MRPL42: variants seen among roughly 807,000 people sequenced by gnomAD.
MRPL42 encodes large ribosomal subunit protein mL42.
A neutral mutation model predicts 17.9 loss-of-function variants in MRPL42; 17 were observed. The ratio of observed to expected loss-of-function variants is 0.95; its 90% CI spans 0.65 to 1.42. MRPL42 has a LOEUF of 1.42. Ranked by LOEUF, MRPL42 falls within the 40% of genes most tolerant of loss-of-function variation. The pLI, the probability that MRPL42 is intolerant of heterozygous loss-of-function variation, is 0.00. For synonymous variants in MRPL42, 59 were observed against 54.4 expected (o/e 1.08, Z -0.37); for missense variants, 177 against 175.2 (o/e 1.01, Z -0.06).
Position 93,479,385 on chromosome 12 carries a change from T to A in MRPL42, c.135-3T>A. 2 of 1,598,092 alleles carry A rather than the reference T, an allele frequency of 1.3e-6. No individual in the cohort carries two copies. Among genetic ancestry groups the A allele is most frequent in the Non-Finnish European group, 1.7e-6 (2 of 1,172,480 alleles). On this transcript the variant is annotated splice_region_variant and splice_polypyrimidine_tract_variant and intron_variant, in intron 3 of 5. Coordinates refer to ENST00000549982, the MANE Select transcript of MRPL42 (RefSeq NM_014050.4). The stretch of plus-strand genomic sequence containing the variant: ...TTTATTTCTAAAACATTCTTTTTTT[T>A]AGCAACGTAGAGCTTGCTCTGACTT...
At chr12:93,480,515 G>T (rs1360465126) in intron 4 of MRPL42, among the ~76,000 whole-genome samples, 5 of 151,056 alleles carry the variant, frequency 3.3e-5, no homozygotes, top group Admixed American at 2.6e-4. Flanking sequence ...TAGGGTCAGG[G>T]TGCCGGTTGA....
chr12:93,487,213 T>G (rs1287344935), intron 4 of MRPL42, among the ~76,000 whole-genome samples: 1 of 152,188 alleles, frequency 6.6e-6, no homozygotes. Flanking sequence ...TTCTCCTGCC[T>G]TGGTTTCCCA....
At chr12:93,471,133 T>C (rs1227983650) in intron 2 of MRPL42, among the ~76,000 whole-genome samples, 1 of 152,214 alleles carries the variant, frequency 6.6e-6, no homozygotes, top group African/African-American at 2.4e-5. Context: ...CTTTGTTGAA[T>C]AGAATGCTCA....
At position 93,500,290 on chromosome 12, in the gene MRPL42, T is replaced by C. The variant is rs541914677; in HGVS notation, c.384-886T>C. On this transcript the variant is annotated intron_variant, in intron 5 of 5. Transcript: ENST00000549982. ...AGAGGAATTACTAGGTCAAAAATTA[T>C]GAATATTTCTTGATACATCTTATCA... Among the ~76,000 whole-genome samples the C allele has an allele frequency of 2.0e-5, 3 of 152,364 alleles. 1 individual carries two copies. Among genetic ancestry groups the C allele is most frequent in the African/African-American group, 7.2e-5 (3 of 41,598 alleles).
rs1953672690 is a variant in MRPL42, at chr12:93,506,549, G to T, written c.*5328G>T. On this transcript the variant is annotated 3_prime_UTR_variant, in exon 6 of 6. Transcript: ENST00000549982. ...TGAAGTGCTGGGATTACAGGCATGA[G>T]CCACCACGCCCGGCCAAGAATGTCT... 1 of 152,168 alleles carries T rather than the reference G, an allele frequency of 6.6e-6. No individual in the cohort carries two copies. Among genetic ancestry groups the T allele is most frequent in the Admixed American group, 6.6e-5 (1 of 15,258 alleles). 9.4% of individuals were successfully genotyped at this position (152,168 alleles called of 1,614,324 possible). A position where few individuals can be genotyped will look rare whatever the true frequency, so the allele number is the denominator to read the frequency against.
chr12:93,491,986 A>T (rs1232855466), intron 5 of MRPL42, among the ~76,000 whole-genome samples: 1 of 152,180 alleles, frequency 6.6e-6, no homozygotes, highest in Non-Finnish European at 1.5e-5. Context: ...TCCATGGTGT[A>T]TGTGTACCAC....
chr12:93,490,108 C>T (rs965950558), intron 5 of MRPL42, among the ~76,000 whole-genome samples: 2 of 152,144 alleles, frequency 1.3e-5, no homozygotes, highest in African/African-American at 4.8e-5. Context: ...TGTTTCTTTC[C>T]TGCATGTTCC....
chr12:93,504,761 A>G lies in MRPL42; in HGVS notation c.*3540A>G, dbSNP rs1477114927. On this transcript the variant is annotated 3_prime_UTR_variant, in exon 6 of 6. Transcript: ENST00000549982. ...TCTTTAGATTCTGTTGTTACGTGCA[A>G]CACTGTATATCTCTCCATAGCACTT... 1 of 152,174 alleles carries G rather than the reference A, an allele frequency of 6.6e-6. No homozygotes were observed. Among genetic ancestry groups the G allele is most frequent in the East Asian group, 1.9e-4 (1 of 5,198 alleles). 9.4% of individuals were successfully genotyped at this position (152,174 alleles called of 1,614,324 possible).
At chr12:93,478,567 A>G (rs566482985) in intron 3 of MRPL42, among the ~76,000 whole-genome samples, 2 of 152,318 alleles carry the variant, frequency 1.3e-5, no homozygotes, top group Non-Finnish European at 2.9e-5. Flanking sequence ...TTTTAATTGT[A>G]CATCTAATGA....
chr12:93,500,419 T>G (rs1953567475), intron 5 of MRPL42, among the ~76,000 whole-genome samples: 1 of 152,206 alleles, frequency 6.6e-6, no homozygotes, highest in African/African-American at 2.4e-5. Context: ...GGCATTATGA[T>G]TTTTAACATG....
intron 5 of MRPL42, among the ~76,000 whole-genome samples, chr12:93,496,643 T>TGA (rs777800663): frequency 4.2e-5 from 3 of 70,716 alleles, no homozygotes; most frequent in African/African-American, 1.9e-4. Flanking sequence ...TCAGATTAGG[T>TGA]AAAAAAAAAA....
chr12:93,474,431 A>G (rs1387605127), intron 2 of MRPL42, among the ~76,000 whole-genome samples: 1 of 150,854 alleles, frequency 6.6e-6, no homozygotes, highest in Non-Finnish European at 1.5e-5. Flanking sequence ...GAGCCACCAC[A>G]CCCCACCAGT....
rs1330642079 is a variant in MRPL42, at chr12:93,503,234, A to G, written c.*2013A>G. 1.3e-5 allele frequency: 2 copies of G among 152,214 alleles called. No individual in the cohort carries two copies. The highest frequency in any genetic ancestry group is 3.8e-4 in the East Asian group (2 of 5,198). The allele number at this position is 152,214 out of a possible 1,614,324, so 9.4% of individuals were successfully genotyped here. On this transcript the variant is annotated 3_prime_UTR_variant, in exon 6 of 6. Coordinates refer to ENST00000549982, the MANE Select transcript of MRPL42 (RefSeq NM_014050.4). The stretch of plus-strand genomic sequence containing the variant: ...AGAGGGCACTCTCACCCAGGGCTTA[A>G]TTTGAACATCTCGCCCAAAAGTGAC...
rs1171297208 is a variant in MRPL42, at chr12:93,505,202, C to T, written c.*3981C>T. The T allele has an allele frequency of 6.6e-6, 1 of 152,118 alleles. No homozygotes were observed. The highest frequency in any genetic ancestry group is 1.5e-5 in the Non-Finnish European group (1 of 68,028). The allele number at this position is 152,118 out of a possible 1,614,324, so 9.4% of individuals were successfully genotyped here. A position where few individuals can be genotyped will look rare whatever the true frequency, so the allele number is the denominator to read the frequency against. On this transcript the variant is annotated 3_prime_UTR_variant, in exon 6 of 6. Coordinates refer to ENST00000549982, the MANE Select transcript of MRPL42 (RefSeq NM_014050.4). ...TTAGAACTGAAATGATAGTGATATG[C>T]AAGATAGCACGTGTGGTTTCCACAT...
rs55890236 is a variant in MRPL42, at chr12:93,514,295, C to CTTTTTTTTTTTTTTTTTTTTT, written c.*13094_*13095insTTTTTTTTTTTTTTTTTTTTT. On this transcript the variant is annotated 3_prime_UTR_variant, in exon 6 of 6. Coordinates refer to ENST00000549982, the MANE Select transcript of MRPL42 (RefSeq NM_014050.4). ...CCCTCTGCTTTTTCTTTCTTTCTTT[C>CTTTTTTTTTTTTTTTTTTTTT]TTTTTTTTTTTTTTTTTTTTGAGAT... 1 of 120,854 alleles carries CTTTTTTTTTTTTTTTTTTTTT rather than the reference C, an allele frequency of 8.3e-6. No individual in the cohort carries two copies. The allele number at this position is 120,854 out of a possible 1,614,324, so 7.5% of individuals were successfully genotyped here.
In MRPL42 at chr12:93,485,161, C is replaced by CT. The variant is rs530566195; in HGVS notation, c.220-2321dup. Among the ~76,000 whole-genome samples, 526 of 130,920 alleles carry CT rather than the reference C, an allele frequency of 4.0e-3. 2 individuals carry two copies. The highest frequency in any genetic ancestry group is 0.011 in the African/African-American group (397 of 35,692). 85.9% of individuals were successfully genotyped at this position (130,920 alleles called of 152,430 possible). A position where few individuals can be genotyped will look rare whatever the true frequency, so the allele number is the denominator to read the frequency against. On this transcript the variant is annotated intron_variant, in intron 4 of 5. Coordinates refer to ENST00000549982, the MANE Select transcript of MRPL42 (RefSeq NM_014050.4). ...AGCCACTGCACGTGGCCCACATTGC[C>CT]TTTTTTTTTTTTTTTAATTGACACA...
Position 93,505,421 on chromosome 12 carries a change from A to C in MRPL42, c.*4200A>C, listed in dbSNP as rs1045708405. 4.6e-5 allele frequency: 7 copies of C among 152,224 alleles called. No homozygotes were observed. The highest frequency in any genetic ancestry group is 1.4e-4 in the African/African-American group (6 of 41,458). 9.4% of individuals were successfully genotyped at this position (152,224 alleles called of 1,614,324 possible). A position where few individuals can be genotyped will look rare whatever the true frequency, so the allele number is the denominator to read the frequency against. Reference sequence around the variant, plus strand: ...GCCCACAAACACTGGTAGTAAGCAAACTATTTTATTTGCTAAAGGCATAAA... The same window carrying C: ...GCCCACAAACACTGGTAGTAAGCAACCTATTTTATTTGCTAAAGGCATAAA... On this transcript the variant is annotated 3_prime_UTR_variant, in exon 6 of 6. Coordinates refer to ENST00000549982, the MANE Select transcript of MRPL42 (RefSeq NM_014050.4).
intron 5 of MRPL42, chr12:93,488,191 C>T (rs1031529656): frequency 1.6e-5 from 6 of 376,218 alleles, no homozygotes; most frequent in Admixed American, 4.5e-5. Flanking sequence ...AGGATGGTCT[C>T]GAACTCCTGA....
At position 93,487,026 on chromosome 12, in the gene MRPL42, G is replaced by A. The variant is rs1880775348; in HGVS notation, c.220-471G>A. The stretch of plus-strand genomic sequence containing the variant: ...ACTCTGTCACCCAGGCTGGAGCACA[G>A]TAGTGTGATCACAGGTAGCCTCGAC... On this transcript the variant is annotated intron_variant, in intron 4 of 5. Transcript: ENST00000549982. Among the ~76,000 whole-genome samples the A allele has an allele frequency of 2.0e-5, 3 of 152,112 alleles. No homozygotes were observed. In the South Asian group the frequency reaches 6.2e-4, roughly 32 times the overall value.
Sources: allele counts gnomAD v4.1 joint callset (sites outside exome capture counted in the v4.1 genomes callset), GRCh38; gene constraint gnomAD v4.1.1; transcripts MANE v1.5; gene names NCBI Gene and HGNC (gene_info 2026-07-23, HGNC 2026-07-21).